HAUS2: variants seen among roughly 807,000 people sequenced by gnomAD.
HAUS2 encodes HAUS augmin like complex subunit 2, also known as HAUS augmin-like complex subunit 2.
HAUS2 carries 20 observed loss-of-function variants against 21.6 expected under a neutral mutation model. The observed-to-expected ratio is 0.93, with a 90% CI of 0.65 to 1.35. HAUS2 has a LOEUF of 1.35. Among genes scored for constraint, HAUS2 ranks in the 40% most tolerant of loss-of-function variants. The pLI, the probability that HAUS2 is intolerant of heterozygous loss-of-function variation, is 0.00. For synonymous variants in HAUS2, 113 were observed against 95.6 expected (o/e 1.18, Z -1.06); for missense variants, 297 against 280.7 (o/e 1.06, Z -0.42).
intron 4 of HAUS2, among the ~76,000 whole-genome samples, 155 bp from the exon 5 acceptor site, chr15:42,563,594 C>G (rs1316167306): frequency 6.6e-6 from 1 of 151,732 alleles, no homozygotes. Flanking sequence ...TTTTTTTAAT[C>G]ACTAATATTT....
At chr15:42,558,923 A>C (rs1455310061) in intron 2 of HAUS2, among the ~76,000 whole-genome samples, 1 of 151,892 alleles carries the variant, frequency 6.6e-6, no homozygotes, top group African/African-American at 2.4e-5. Flanking sequence ...GGGCCATTGC[A>C]CTCCAGCCTG....
chr15:42,559,118 C>T (rs2057821273), intron 2 of HAUS2, among the ~76,000 whole-genome samples: 1 of 150,968 alleles, frequency 6.6e-6, no homozygotes, highest in African/African-American at 2.4e-5. Context: ...TGAAAAACTT[C>T]AGTAAATCCC....
chr15:42,559,499 A>G, intron 3 of HAUS2, 91 bp downstream of exon 3: 1 of 748,398 alleles, frequency 1.3e-6, no homozygotes, highest in Non-Finnish European at 2.4e-6. Context: ...ATTATGATAC[A>G]CCATCATTTT....
chr15:42,561,201 G>C, intron 3 of HAUS2, 69 bp from the exon 4 acceptor site: 2 of 999,174 alleles, frequency 2.0e-6, no homozygotes, highest in Non-Finnish European at 3.1e-6. Context: ...GTCAAACCAA[G>C]GCAAAGAAGA....
intron 3 of HAUS2, chr15:42,561,020 A>T: frequency 3.4e-6 from 2 of 582,936 alleles, no homozygotes; most frequent in South Asian, 4.5e-5. Flanking sequence ...ACACAGAGAA[A>T]GAATTTAGCA....
chr15:42,559,948 C>T (rs1024512370), intron 3 of HAUS2, among the ~76,000 whole-genome samples: 4 of 151,946 alleles, frequency 2.6e-5, no homozygotes, highest in Admixed American at 1.3e-4. Context: ...TGCTTGAGCC[C>T]GGGAGTTCAA....
intron 2 of HAUS2, among the ~76,000 whole-genome samples, chr15:42,558,947 G>A (rs113358355): frequency 0.1 from 15,486 of 151,898 alleles, 879 homozygotes; most frequent in South Asian, 0.17. Context: ...GACAGACGGA[G>A]ACCCTGTCTC....
At chr15:42,560,061 A>G (rs928932652) in intron 3 of HAUS2, among the ~76,000 whole-genome samples, 12 of 152,300 alleles carry the variant, frequency 7.9e-5, no homozygotes, top group African/African-American at 2.9e-4. Flanking sequence ...AGGCTGAGGC[A>G]GAAGGATTGT....
chr15:42,555,282 G>A (rs1267490634), intron 1 of HAUS2, among the ~76,000 whole-genome samples: 2 of 151,658 alleles, frequency 1.3e-5, no homozygotes, highest in South Asian at 2.1e-4. Context: ...CACGGCGCCC[G>A]GCTGCCTGGC....
rs762769933 is a variant in HAUS2 at position 42,561,396 on chromosome 15, A to G, written c.383A>G (p.Tyr128Cys). The change falls in exon 4 of 6, where the codon TAT becomes TGT. Residue 128 changes from tyrosine to cysteine, a missense_variant. By Grantham distance (194) the Tyr-to-Cys change is radical. Transcript: ENST00000260372. ...CQENLPIEAV[Y>C]HRYMVHLLEL... ...GAAAACTTACCTATTGAAGCTGTTTATCACAGGTTAGACTGAAAAGTAGAA... is the reference window on the plus strand; with the variant it reads ...GAAAACTTACCTATTGAAGCTGTTTGTCACAGGTTAGACTGAAAAGTAGAA... 1 of 1,604,330 alleles carries G rather than the reference A, an allele frequency of 6.2e-7. No homozygotes were observed. The highest frequency in any genetic ancestry group is 8.5e-7 in the Non-Finnish European group (1 of 1,171,450).
At chr15:42,555,368 A>T (rs978360355) in intron 1 of HAUS2, among the ~76,000 whole-genome samples, 1 of 151,960 alleles carries the variant, frequency 6.6e-6, no homozygotes, top group East Asian at 1.9e-4. Flanking sequence ...GGGCTCAAGC[A>T]GTTCTCCTGC....
At chr15:42,561,862 T>A (rs1288764294) in intron 4 of HAUS2, among the ~76,000 whole-genome samples, 1 of 152,164 alleles carries the variant, frequency 6.6e-6, no homozygotes, top group Non-Finnish European at 1.5e-5. Flanking sequence ...AGCAAATGAT[T>A]TACATTTTTG....
intron 1 of HAUS2, among the ~76,000 whole-genome samples, chr15:42,556,100 C>T (rs184750560): frequency 0.015 from 2,226 of 150,896 alleles, 33 homozygotes; most frequent in Non-Finnish European, 0.02. Flanking sequence ...GGATTACAGG[C>T]GCCTGCCACC....
chr15:42,561,094 AAG>A lies in HAUS2; in HGVS notation c.257-172_257-171del, dbSNP rs537675516. Among the ~76,000 whole-genome samples, 375 of 152,354 alleles carry A rather than the reference AAG, an allele frequency of 2.5e-3. 1 individual carries two copies. Among genetic ancestry groups the A allele is most frequent in the Non-Finnish European group, 4.3e-3 (291 of 68,036 alleles). On this transcript the variant is annotated intron_variant, in intron 3 of 5. Coordinates refer to ENST00000260372, the MANE Select transcript of HAUS2 (RefSeq NM_018097.3). ...TATATTAGATATACAAAAACCGACT[AAG>A]AGAAAGTTGTTGAAAATGAAATTGG...
Position 42,565,899 on chromosome 15 carries a change from G to T in HAUS2, c.499-708G>T, listed in dbSNP as rs2057900680. 2.0e-5 allele frequency among the ~76,000 whole-genome samples: 3 copies of T among 152,122 alleles called. No individual in the cohort carries two copies. In the South Asian group the frequency reaches 6.2e-4, roughly 31 times the overall value. ...CTTGAAGGTGAGTAGTATCAAGTGTGGGTTAAAGAAGTTAGTAAGTGGGCT... is the reference window on the plus strand; with the variant it reads ...CTTGAAGGTGAGTAGTATCAAGTGTTGGTTAAAGAAGTTAGTAAGTGGGCT... On this transcript the variant is annotated intron_variant, in intron 5 of 5. Transcript: ENST00000260372.
At chr15:42,550,960 C>T (rs1400147567) in intron 1 of HAUS2, among the ~76,000 whole-genome samples, 1 of 151,726 alleles carries the variant, frequency 6.6e-6, no homozygotes, top group African/African-American at 2.4e-5. Context: ...AGCCACTGCA[C>T]CCGGCCCTCT....
intron 2 of HAUS2, 40 bp downstream of exon 2, chr15:42,558,330 T>TTG (rs1566832730): frequency 3.7e-6 from 3 of 804,162 alleles, no homozygotes; most frequent in Non-Finnish European, 6.0e-6. Flanking sequence ...TTTTTTTTTT[T>TTG]TTTTTTTTGA....
intron 1 of HAUS2, among the ~76,000 whole-genome samples, chr15:42,556,350 G>A (rs2057774926): frequency 7.5e-6 from 1 of 132,850 alleles, no homozygotes; most frequent in Admixed American, 8.8e-5. Context: ...CCACAACCTT[G>A]TCTCCTAAGC....
At chr15:42,556,963 GAATGC>G (rs1211408824) in intron 1 of HAUS2, among the ~76,000 whole-genome samples, 1 of 151,838 alleles carries the variant, frequency 6.6e-6, no homozygotes, top group African/African-American at 2.4e-5. Context: ...AGAATCAGTT[GAATGC>G]AAGAGGCAGA....
Sources: allele counts gnomAD v4.1 joint callset (sites outside exome capture counted in the v4.1 genomes callset), GRCh38; gene constraint gnomAD v4.1.1; transcripts MANE v1.5; gene names NCBI Gene and HGNC (gene_info 2026-07-23, HGNC 2026-07-21).